Variants in TLK2 observed in about 807,000 individuals in gnomAD.
TLK2 encodes the protein serine/threonine-protein kinase tousled-like 2.
In TLK2, 6 loss-of-function variants were observed where a neutral mutation model predicts 117.3. That is an observed-to-expected ratio of 0.05 (90% CI 0.03 to 0.10). The LOEUF is 0.10. Among genes scored for constraint, TLK2 ranks in the 10% least tolerant of loss-of-function variants. The pLI, the probability that TLK2 is intolerant of heterozygous loss-of-function variation, is 1.00. For synonymous variants in TLK2, 257 were observed against 316.7 expected (o/e 0.81, Z 2.00); for missense variants, 299 against 901.2 (o/e 0.33, Z 8.56).
intron 7 of TLK2, among the ~76,000 whole-genome samples, chr17:62,548,240 A>ATATATATATATATG (rs368516607): frequency 1.6e-5 from 2 of 121,294 alleles, no homozygotes; most frequent in Non-Finnish European, 3.3e-5. Context: ...ATATATATAT[A>ATATATATATATATG]TGTGTGTGTG....
At chr17:62,600,897 G>C in intron 18 of TLK2, 77 bp downstream of exon 18, 1 of 1,396,812 alleles carries the variant, frequency 7.2e-7, no homozygotes, top group Non-Finnish European at 9.7e-7. Context: ...GATAAAGTTA[G>C]AGAATTTCAC....
chr17:62,475,438 G>C (rs1033053255), upstream of TLK2, among the ~76,000 whole-genome samples: 3 of 152,060 alleles, frequency 2.0e-5, no homozygotes, highest in Non-Finnish European at 4.4e-5. Flanking sequence ...CGACTCCCAG[G>C]TTCAAGCGAT....
intron 19 of TLK2, among the ~76,000 whole-genome samples, chr17:62,602,464 C>A (rs2082940593): frequency 6.6e-6 from 1 of 152,126 alleles, no homozygotes; most frequent in African/African-American, 2.4e-5. Context: ...GTTGGCCTTG[C>A]AAGTCAGTAG....
chr17:62,546,341 A>ATTTTTTTTTTTTTTTTTTTTTTTTTTT (rs1385208928), intron 7 of TLK2, among the ~76,000 whole-genome samples: 3 of 8,866 alleles, frequency 3.4e-4, no homozygotes, highest in Admixed American at 2.0e-3. Context: ...GAGTTTGTTG[A>ATTTTTTTTTTTTTTTTTTTTTTTTTTT]TTGTTTTTTT....
chr17:62,546,558 C>CTTTT (rs1283721556), intron 7 of TLK2, among the ~76,000 whole-genome samples: 1 of 131,186 alleles, frequency 7.6e-6, no homozygotes, highest in Non-Finnish European at 1.7e-5. Context: ...CTTTTTCTTT[C>CTTTT]TTTTTTTTTT....
intron 19 of TLK2, among the ~76,000 whole-genome samples, chr17:62,605,300 G>GT (rs776955676): frequency 1.1e-4 from 16 of 152,260 alleles, no homozygotes; most frequent in Non-Finnish European, 1.6e-4. Context: ...AGTGGGACTA[G>GT]TGAGAATATT....
upstream of TLK2, among the ~76,000 whole-genome samples, chr17:62,473,936 C>T (rs1214628562): frequency 1.3e-5 from 2 of 152,156 alleles, no homozygotes; most frequent in South Asian, 2.1e-4. Flanking sequence ...CTCACTGACA[C>T]GCAGGCTGGA....
chr17:62,546,332 A>G (rs1297900891), intron 7 of TLK2, among the ~76,000 whole-genome samples: 5 of 48,774 alleles, frequency 1.0e-4, no homozygotes, highest in Non-Finnish European at 1.4e-4. Context: ...CCCTATTTTG[A>G]GTTTGTTGAT....
chr17:62,556,119 T>G (rs1296452733), intron 9 of TLK2, among the ~76,000 whole-genome samples: 1 of 152,066 alleles, frequency 6.6e-6, no homozygotes, highest in Admixed American at 6.5e-5. Flanking sequence ...TTTGCCACAT[T>G]GGCCACACTG....
At chr17:62,567,660 AACTCC>A (rs1393584430) in intron 11 of TLK2, among the ~76,000 whole-genome samples, 1 of 152,222 alleles carries the variant, frequency 6.6e-6, no homozygotes, top group East Asian at 1.9e-4. Flanking sequence ...GCACATGAGA[AACTCC>A]AAGACATGTG....
At position 62,560,826 on chromosome 17, in the gene TLK2, G is replaced by A. The variant is rs534279405; in HGVS notation, c.831+700G>A. Among the ~76,000 whole-genome samples the A allele has an allele frequency of 2.6e-5, 4 of 151,374 alleles. No homozygotes were observed. In the East Asian group the frequency reaches 7.8e-4, roughly 29 times the overall value. ...GCGCCACCATGCCCGGCCAATTTTT[G>A]TATTTTTTTTTTAATTATACTTTAA... On this transcript the variant is annotated intron_variant, in intron 10 of 21. Coordinates refer to ENST00000346027, the MANE Select transcript of TLK2 (RefSeq NM_006852.6).
intron 7 of TLK2, chr17:62,551,034 T>C (rs2078420301): frequency 6.6e-6 from 1 of 152,252 alleles, no homozygotes; most frequent in African/African-American, 2.4e-5. Context: ...GCCAGGCTGG[T>C]CTCGAGCTTC....
intron 2 of TLK2, among the ~76,000 whole-genome samples, chr17:62,490,941 C>A (rs1229601691): frequency 1.3e-5 from 2 of 152,276 alleles, no homozygotes; most frequent in East Asian, 3.9e-4. Context: ...AGGACTTCAT[C>A]CCCAGGCTGG....
intron 21 of TLK2, 104 bp from the exon 22 acceptor site, chr17:62,612,288 G>A: frequency 7.8e-7 from 1 of 1,286,472 alleles, no homozygotes; most frequent in South Asian, 1.5e-5. Flanking sequence ...CTTCTCTTTA[G>A]TTGATATTTG....
At chr17:62,501,054 C>T (rs775030249) in intron 2 of TLK2, among the ~76,000 whole-genome samples, 22 of 151,940 alleles carry the variant, frequency 1.4e-4, no homozygotes, top group African/African-American at 3.9e-4. Flanking sequence ...CTGGCTAACG[C>T]GGTGAAACCC....
chr17:62,523,915 C>A (rs1411155911), intron 5 of TLK2, among the ~76,000 whole-genome samples: 1 of 152,202 alleles, frequency 6.6e-6, no homozygotes, highest in East Asian at 1.9e-4. Flanking sequence ...ATCCACTGCA[C>A]CACTGCATTT....
chr17:62,589,965 C>G (rs2081950499), intron 16 of TLK2, among the ~76,000 whole-genome samples: 1 of 151,626 alleles, frequency 6.6e-6, no homozygotes, highest in Admixed American at 6.6e-5. Flanking sequence ...TGCCACCAAG[C>G]CTGGCTAACT....
At chr17:62,473,087 C>G (rs565095227) in intron 1 of TLK2, among the ~76,000 whole-genome samples, 33 of 152,152 alleles carry the variant, frequency 2.2e-4, no homozygotes, top group Non-Finnish European at 4.3e-4. Flanking sequence ...GGTCATGTCT[C>G]CTGGTGTGTT....
chr17:62,555,047 T>C (rs1316905833), intron 9 of TLK2, among the ~76,000 whole-genome samples: 5 of 152,016 alleles, frequency 3.3e-5, no homozygotes, highest in Non-Finnish European at 2.9e-5. Flanking sequence ...CAAATGAATA[T>C]ATACATAAAT....
Sources: gnomAD v4.1 joint callset for allele counts (sites outside exome capture counted in the v4.1 genomes callset) on GRCh38, gnomAD v4.1.1 for gene constraint, MANE v1.5 for transcripts, NCBI Gene and HGNC (gene_info 2026-07-23, HGNC 2026-07-21) for gene names.